GALNT13: variants seen among roughly 807,000 people sequenced by gnomAD.
GALNT13 encodes polypeptide N-acetylgalactosaminyltransferase 13.
In GALNT13, 28 loss-of-function variants were observed where a neutral mutation model predicts 64.2. That is an observed-to-expected ratio of 0.44 (90% CI 0.32 to 0.60). The LOEUF is 0.60. GALNT13 is among the 20% of genes least tolerant of loss of function. The pLI is 0.05. For synonymous variants in GALNT13, 214 were observed against 224.6 expected, an observed-to-expected ratio of 0.95 and a Z score of 0.42; for missense variants, 577 against 669.8, an observed-to-expected ratio of 0.86 and a Z score of 1.53.
chr2:154,088,093 A>G (rs1193056780), intron 3 of GALNT13, among the ~76,000 whole-genome samples: 1 of 152,142 alleles, frequency 6.6e-6, no homozygotes, highest in Non-Finnish European at 1.5e-5. Flanking sequence ...GAAAAGTTTT[A>G]CCATAACTGA....
the GALNT13 span, among the ~76,000 whole-genome samples, chr2:153,572,333 AT>A: frequency 7.0e-6 from 1 of 142,624 alleles, no homozygotes; most frequent in Non-Finnish European, 1.5e-5. Flanking sequence ...ATTTATTTGT[AT>A]TTTTTCTCTC....
chr2:153,348,860 G>C, the GALNT13 span, among the ~76,000 whole-genome samples: 53 of 152,316 alleles, frequency 3.5e-4, no homozygotes, highest in Middle Eastern at 6.8e-3. Flanking sequence ...CATCAGGTGA[G>C]AGCCAGCATC....
the GALNT13 span, among the ~76,000 whole-genome samples, chr2:153,129,575 C>G: frequency 2.6e-5 from 4 of 152,102 alleles, no homozygotes; most frequent in Non-Finnish European, 5.9e-5. Context: ...GAGATGGAGA[C>G]CATTCTGGCT....
chr2:153,439,005 A>G, the GALNT13 span, among the ~76,000 whole-genome samples: 2 of 151,984 alleles, frequency 1.3e-5, no homozygotes, highest in Admixed American at 6.6e-5. Context: ...TTTGGTGTGG[A>G]TGTCCTTTCT....
chr2:154,412,046 T>C (rs910325225), intron 11 of GALNT13, among the ~76,000 whole-genome samples: 2 of 151,824 alleles, frequency 1.3e-5, no homozygotes, highest in Non-Finnish European at 3.0e-5. Context: ...GTTATTTCTA[T>C]TGATGTTGTT....
chr2:153,872,541 G>T (rs1356877597), intron 1 of GALNT13, among the ~76,000 whole-genome samples: 1 of 151,352 alleles, frequency 6.6e-6, no homozygotes, highest in Non-Finnish European at 1.5e-5. Flanking sequence ...GTTGCGGGAG[G>T]ACCGCGTGGC....
chr2:153,422,383 CAG>C, the GALNT13 span, among the ~76,000 whole-genome samples: 1 of 152,236 alleles, frequency 6.6e-6, no homozygotes, highest in Non-Finnish European at 1.5e-5. Flanking sequence ...GCTATCCCAT[CAG>C]GGGCTGGAGG....
chr2:154,285,470 G>T (rs180828416), intron 8 of GALNT13, among the ~76,000 whole-genome samples: 1 of 152,176 alleles, frequency 6.6e-6, no homozygotes, highest in Non-Finnish European at 1.5e-5. Context: ...ACATATTAAA[G>T]ACATTCTCTT....
intron 3 of GALNT13, among the ~76,000 whole-genome samples, chr2:154,133,151 C>G (rs1384609414): frequency 6.6e-6 from 1 of 151,964 alleles, no homozygotes; most frequent in African/African-American, 2.4e-5. Flanking sequence ...GCAAGAAAGG[C>G]AGAATAAGTG....
chr2:153,253,102 G>T, the GALNT13 span, among the ~76,000 whole-genome samples: 1 of 151,868 alleles, frequency 6.6e-6, no homozygotes, highest in African/African-American at 2.4e-5. Context: ...CTACCCATGA[G>T]CATGGGATAT....
chr2:153,323,571 A>C, the GALNT13 span, among the ~76,000 whole-genome samples: 1 of 151,908 alleles, frequency 6.6e-6, no homozygotes. Flanking sequence ...GCCCATGCCT[A>C]TGTCCTGAAT....
intron 9 of GALNT13, among the ~76,000 whole-genome samples, chr2:154,368,174 C>T (rs532121064): frequency 6.6e-6 from 1 of 151,746 alleles, no homozygotes; most frequent in Non-Finnish European, 1.5e-5. Context: ...AAAAAAAATT[C>T]TCTGGCTCTG....
chr2:153,992,327 T>G (rs1313293711), intron 3 of GALNT13, among the ~76,000 whole-genome samples: 1 of 152,172 alleles, frequency 6.6e-6, no homozygotes, highest in African/African-American at 2.4e-5. Context: ...GCTTGTTCAT[T>G]TAACTAATTT....
At chr2:154,375,402 C>G (rs1190045905) in intron 9 of GALNT13, among the ~76,000 whole-genome samples, 1 of 152,052 alleles carries the variant, frequency 6.6e-6, no homozygotes, top group East Asian at 1.9e-4. Context: ...TTAGCATCAC[C>G]CTCCGGAAAA....
At chr2:154,304,115 T>C (rs1164800810) in intron 9 of GALNT13, among the ~76,000 whole-genome samples, 3 of 152,162 alleles carry the variant, frequency 2.0e-5, no homozygotes, top group African/African-American at 7.2e-5. Flanking sequence ...TGAAGTTTCT[T>C]ATTAAGATCC....
At chr2:153,873,822 CTCTT>C (rs895197123) in intron 1 of GALNT13, among the ~76,000 whole-genome samples, 31 of 151,926 alleles carry the variant, frequency 2.0e-4, no homozygotes, top group Non-Finnish European at 3.8e-4. Flanking sequence ...CCGTCTCTCT[CTCTT>C]TCTCTCTCTC....
chr2:153,188,046 A>G, the GALNT13 span, among the ~76,000 whole-genome samples: 1 of 152,014 alleles, frequency 6.6e-6, no homozygotes, highest in Admixed American at 6.6e-5. Flanking sequence ...TGGTAATAAA[A>G]TAAAACTTTT....
the GALNT13 span, among the ~76,000 whole-genome samples, chr2:153,120,386 G>GA: frequency 6.6e-6 from 1 of 152,136 alleles, no homozygotes; most frequent in South Asian, 2.1e-4. Flanking sequence ...CAACTATAAA[G>GA]AAAAAATTAT....
At chr2:153,248,702 G>A in the GALNT13 span, among the ~76,000 whole-genome samples, 9 of 151,714 alleles carry the variant, frequency 5.9e-5, no homozygotes, top group South Asian at 1.7e-3. Context: ...TGTAGTCCCA[G>A]CTACTCAGGA....
Sources: allele counts gnomAD v4.1 joint callset (sites outside exome capture counted in the v4.1 genomes callset), GRCh38; gene constraint gnomAD v4.1.1; transcripts MANE v1.5; gene names NCBI Gene and HGNC (gene_info 2026-07-23, HGNC 2026-07-21).